RFX3: variants seen among roughly 807,000 people sequenced by gnomAD.
RFX3 encodes the protein transcription factor RFX3.
RFX3 carries 14 observed loss-of-function variants against 98.6 expected under a neutral mutation model. The observed-to-expected ratio is 0.14, with a 90% CI of 0.09 to 0.22. RFX3 has a LOEUF of 0.22. RFX3 is among the 10% of genes least tolerant of loss of function. The pLI is 1.00. For synonymous variants in RFX3, 383 were observed against 328.4 expected, an observed-to-expected ratio of 1.17 and a Z score of -1.80; for missense variants, 639 against 926.9, an observed-to-expected ratio of 0.69 and a Z score of 4.03.
intron 1 of RFX3, among the ~76,000 whole-genome samples, chr9:3,443,249 T>G (rs1247191952): frequency 3.3e-5 from 5 of 152,214 alleles, no homozygotes; most frequent in Non-Finnish European, 7.3e-5. Flanking sequence ...GCAGGTTTGT[T>G]ACATAGGTAA....
At chr9:3,316,737 G>C (rs897570981) in intron 4 of RFX3, among the ~76,000 whole-genome samples, 1 of 151,020 alleles carries the variant, frequency 6.6e-6, no homozygotes, top group African/African-American at 2.4e-5. Context: ...CAATGACAGA[G>C]AGCCAAATCA....
rs1198837610 is a variant in RFX3, at chr9:3,473,660, C to CCTCAACA, written c.-9+52080_-9+52086dup. ...CCTGCAGGAGTCTCTCTAGCATGCC[C>CCTCAACA]CTCAACACTTCTGCTCCCAACTGCT... is the stretch of plus-strand genomic sequence containing the variant. On this transcript the variant is annotated intron_variant, in intron 1 of 16. Transcript: ENST00000617270. Among the ~76,000 whole-genome samples the CCTCAACA allele has an allele frequency of 2.0e-5, 3 of 152,262 alleles. No individual in the cohort carries two copies. In the East Asian group the frequency reaches 5.8e-4, roughly 29 times the overall value.
chr9:3,278,661 A>G (rs921767668), intron 7 of RFX3, among the ~76,000 whole-genome samples: 2 of 151,862 alleles, frequency 1.3e-5, no homozygotes, highest in Non-Finnish European at 2.9e-5. Context: ...ATACAAACTA[A>G]TGCTCAGCTT....
At chr9:3,479,144 G>A (rs181976684) in intron 1 of RFX3, among the ~76,000 whole-genome samples, 32 of 152,186 alleles carry the variant, frequency 2.1e-4, no homozygotes, top group Admixed American at 1.0e-3. Context: ...TTAAAATATC[G>A]CAGACCCCAC....
intron 1 of RFX3, among the ~76,000 whole-genome samples, chr9:3,432,348 C>T (rs1844727915): frequency 6.6e-6 from 1 of 152,042 alleles, no homozygotes; most frequent in African/African-American, 2.4e-5. Context: ...ACATAGTACT[C>T]AATGGAAAGG....
At chr9:3,320,655 C>T (rs1013096232) in intron 4 of RFX3, among the ~76,000 whole-genome samples, 3 of 127,520 alleles carry the variant, frequency 2.4e-5, no homozygotes, top group Admixed American at 7.2e-5. Context: ...TCTGCTTTTT[C>T]GCTCAACATG....
chr9:3,386,525 G>T (rs1839732074), intron 2 of RFX3, among the ~76,000 whole-genome samples: 1 of 152,026 alleles, frequency 6.6e-6, no homozygotes, highest in South Asian at 2.1e-4. Context: ...CTAGAGCCAG[G>T]ATTTGAATTT....
intron 3 of RFX3, among the ~76,000 whole-genome samples, chr9:3,332,607 A>T (rs1832720582): frequency 6.6e-6 from 1 of 152,214 alleles, no homozygotes; most frequent in Non-Finnish European, 1.5e-5. Flanking sequence ...ATATAAAAAT[A>T]AAACCGCTTA....
At chr9:3,375,875 G>A (rs921743965) in intron 2 of RFX3, among the ~76,000 whole-genome samples, 5 of 151,954 alleles carry the variant, frequency 3.3e-5, no homozygotes, top group African/African-American at 9.7e-5. Context: ...CAGGTGAATC[G>A]CTTGAACCCA....
rs118048937 is a variant in RFX3, at chr9:3,282,976, C to T, written c.851+5155G>A. Reference sequence around the variant, plus strand: ...TATTTTAAATGTTCCACAAATACTACTCAGGAGCATAAGTGGTGACTGTTA... The same window carrying T: ...TATTTTAAATGTTCCACAAATACTATTCAGGAGCATAAGTGGTGACTGTTA... On this transcript the variant is annotated intron_variant, in intron 7 of 16. Coordinates refer to ENST00000617270, the MANE Select transcript of RFX3 (RefSeq NM_001282116.2). Among the ~76,000 whole-genome samples the T allele has an allele frequency of 3.4e-3, 511 of 151,834 alleles. 4 individuals carry two copies. Among genetic ancestry groups the T allele is most frequent in the Non-Finnish European group, 4.8e-3 (323 of 67,780 alleles).
chr9:3,324,611 G>A (rs999188943), intron 4 of RFX3, among the ~76,000 whole-genome samples: 10 of 151,218 alleles, frequency 6.6e-5, no homozygotes, highest in African/African-American at 2.4e-4. Context: ...GAGAGAGGGA[G>A]TGAAAAAATA....
intron 4 of RFX3, among the ~76,000 whole-genome samples, chr9:3,320,668 GACT>G (rs1025490090): frequency 1.8e-4 from 24 of 135,190 alleles, no homozygotes; most frequent in Non-Finnish European, 2.6e-4. Flanking sequence ...TCAACATGGA[GACT>G]TTTTTCATAT....
chr9:3,277,759 T>C (rs981736979), intron 7 of RFX3, among the ~76,000 whole-genome samples: 3 of 152,124 alleles, frequency 2.0e-5, no homozygotes, highest in East Asian at 3.9e-4. Context: ...AAGATGTCCA[T>C]GATTAAGTTT....
chr9:3,369,379 T>C (rs1208479684), intron 2 of RFX3, among the ~76,000 whole-genome samples: 1 of 152,178 alleles, frequency 6.6e-6, no homozygotes, highest in East Asian at 1.9e-4. Flanking sequence ...AAGGACTCCA[T>C]CCTCATAACC....
At chr9:3,408,612 T>TCTCTCTCA (rs1394846039) in intron 1 of RFX3, among the ~76,000 whole-genome samples, 8 of 147,704 alleles carry the variant, frequency 5.4e-5, no homozygotes, top group African/African-American at 1.7e-4. Flanking sequence ...TCTCTCTCTC[T>TCTCTCTCA]CACACACACA....
chr9:3,270,546 A>C (rs1824284791), intron 10 of RFX3, 21 bp from the exon 11 acceptor site: 1 of 1,600,834 alleles, frequency 6.2e-7, no homozygotes, highest in Admixed American at 1.8e-5. Flanking sequence ...TAAATGTAGC[A>C]AATGAATAGA....
chr9:3,437,278 C>T (rs2132632499), intron 1 of RFX3, among the ~76,000 whole-genome samples: 1 of 152,116 alleles, frequency 6.6e-6, no homozygotes, highest in African/African-American at 2.4e-5. Context: ...ACTCAAGAGA[C>T]ATTTAGTTTT....
In RFX3 at chr9:3,270,378, A is replaced by T. The variant is rs1263686390; in HGVS notation, c.1350T>A (p.Pro450=). The change falls in exon 11 of 17, where the codon CCT becomes CCA. Residue 450 remains proline (P), a synonymous_variant. Coordinates refer to ENST00000617270, the MANE Select transcript of RFX3 (RefSeq NM_001282116.2). The part of the protein sequence containing the change: ...VEILIPDVLR[P]IPSALTQAIR... Reference sequence around the variant, plus strand: ...CGTCTGCATTTAACTTACTAGGAATAGGTCTAAGGACGTCGGGGATGAGAA... The same window carrying T: ...CGTCTGCATTTAACTTACTAGGAATTGGTCTAAGGACGTCGGGGATGAGAA... 1 of 1,611,640 alleles carries T rather than the reference A, an allele frequency of 6.2e-7. No individual in the cohort carries two copies.
intron 2 of RFX3, among the ~76,000 whole-genome samples, chr9:3,373,634 G>A (rs1431679046): frequency 6.6e-6 from 1 of 152,200 alleles, no homozygotes; most frequent in African/African-American, 2.4e-5. Context: ...AAGGAAAGGT[G>A]AAGCTCTAGG....
Sources: gnomAD v4.1 joint callset for allele counts (sites outside exome capture counted in the v4.1 genomes callset) on GRCh38, gnomAD v4.1.1 for gene constraint, MANE v1.5 for transcripts, NCBI Gene and HGNC (gene_info 2026-07-23, HGNC 2026-07-21) for gene names.